Variants in PUM2 observed in about 807,000 individuals in gnomAD.
PUM2 encodes the protein pumilio RNA binding family member 2.
A neutral mutation model predicts 124.5 loss-of-function variants in PUM2; 57 were observed. The ratio of observed to expected loss-of-function variants is 0.46; its 90% CI spans 0.37 to 0.57. The LOEUF (loss-of-function observed/expected upper bound fraction) is 0.57. PUM2 is among the 20% of genes least tolerant of loss of function. The pLI is 0.00. For synonymous variants in PUM2, 460 were observed against 446.1 expected (o/e 1.03, Z -0.39); for missense variants, 1,065 against 1,290.6 (o/e 0.83, Z 2.68).
chr2:20,303,435 GTTTTTTT>G (rs11444507), intron 7 of PUM2, among the ~76,000 whole-genome samples: 2 of 129,782 alleles, frequency 1.5e-5, no homozygotes, highest in Non-Finnish European at 3.2e-5. Context: ...AAGCTTTCAA[GTTTTTTT>G]TTTTTTTTTT....
chr2:20,341,475 A>G (rs1005819769), intron 1 of PUM2, among the ~76,000 whole-genome samples: 1 of 152,206 alleles, frequency 6.6e-6, no homozygotes, highest in Admixed American at 6.5e-5. Flanking sequence ...TTTTTGTTCA[A>G]AAAAGGAGGG....
At chr2:20,317,576 G>C (rs1572896740) in intron 3 of PUM2, among the ~76,000 whole-genome samples, 1 of 151,984 alleles carries the variant, frequency 6.6e-6, no homozygotes, top group African/African-American at 2.4e-5. Context: ...TTCTAGATTG[G>C]GGGGGTACAT....
At chr2:20,260,282 C>T in intron 15 of PUM2, 55 bp downstream of exon 15, 1 of 1,464,808 alleles carries the variant, frequency 6.8e-7, no homozygotes, top group Non-Finnish European at 9.2e-7. Flanking sequence ...CTTTTCTTAG[C>T]ATCAAGTATA....
In PUM2 at chr2:20,254,872, T is replaced by C; in HGVS notation, c.2861A>G (p.Lys954Arg). Residue 954 changes from lysine to arginine, a missense_variant, in exon 19 of 21, where the codon AAA becomes AGA. Coordinates refer to ENST00000361078, the MANE Select transcript of PUM2 (RefSeq NM_015317.5). ...RGKVLALSQH[K>R]FASNVVEKCV... ...CAAAGTATTACAATACCTGGCAAAT[T>C]TGTGTTGACTCAGGGCTAAAACCTT... 6.2e-7 allele frequency: 1 copy of C among 1,612,990 alleles called. No individual in the cohort carries two copies. Among genetic ancestry groups the C allele is most frequent in the East Asian group, 2.2e-5 (1 of 44,854 alleles).
At chr2:20,322,036 T>C (rs1210897504) in intron 2 of PUM2, among the ~76,000 whole-genome samples, 1 of 152,076 alleles carries the variant, frequency 6.6e-6, no homozygotes, top group Non-Finnish European at 1.5e-5. Context: ...ATACCTATAC[T>C]TCAGACTTTT....
intron 7 of PUM2, among the ~76,000 whole-genome samples, chr2:20,302,796 G>C (rs1420548964): frequency 6.6e-6 from 1 of 152,170 alleles, no homozygotes; most frequent in Non-Finnish European, 1.5e-5. Flanking sequence ...AAGAAATGCA[G>C]AAACTCTGTT....
chr2:20,266,966 T>C (rs1308306161), intron 13 of PUM2, among the ~76,000 whole-genome samples: 2 of 152,124 alleles, frequency 1.3e-5, no homozygotes, highest in Non-Finnish European at 2.9e-5. Context: ...TGAAAACATA[T>C]ACTTACTGTC....
intron 1 of PUM2, among the ~76,000 whole-genome samples, chr2:20,333,927 G>GT (rs1685452095): frequency 6.6e-6 from 1 of 152,092 alleles, no homozygotes; most frequent in African/African-American, 2.4e-5. Flanking sequence ...TTAAAAGTAT[G>GT]TAACACCTTC....
intron 7 of PUM2, among the ~76,000 whole-genome samples, chr2:20,304,521 C>G (rs568969600): frequency 1.3e-5 from 2 of 152,326 alleles, no homozygotes; most frequent in South Asian, 4.1e-4. Flanking sequence ...TTTACTGGAA[C>G]ATAGCAATAT....
intron 13 of PUM2, among the ~76,000 whole-genome samples, chr2:20,264,205 C>G (rs183672480): frequency 0.014 from 2,132 of 149,228 alleles, 63 homozygotes; most frequent in African/African-American, 0.049. Context: ...GGCGTGGTGG[C>G]GGGCACCTGT....
chr2:20,294,502 T>A lies in PUM2; in HGVS notation c.1026A>T (p.Pro342=). ...CCCATGGAACGCCGTAATACTGAGG[T>A]GGAACCACTGCTGGACCTAAACCCC... The part of the protein sequence containing the change: ...AATLAGPAVV[P]PQYYGVPWGV... The change falls in exon 9 of 21, where the codon CCA becomes CCT. Residue 342 remains proline (P), a synonymous_variant. Coordinates refer to ENST00000361078, the MANE Select transcript of PUM2 (RefSeq NM_015317.5). 1 of 1,613,652 alleles carries A rather than the reference T, an allele frequency of 6.2e-7. No homozygotes were observed. Among genetic ancestry groups the A allele is most frequent in the Non-Finnish European group, 8.5e-7 (1 of 1,179,864 alleles).
At chr2:20,258,172 A>C in intron 16 of PUM2, 71 bp downstream of exon 16, 1 of 1,353,424 alleles carries the variant, frequency 7.4e-7, no homozygotes, top group Non-Finnish European at 1.0e-6. Context: ...GATTACTGTA[A>C]GATTAAAAAC....
intron 12 of PUM2, 129 bp downstream of exon 12, chr2:20,282,818 A>T: frequency 9.4e-7 from 1 of 1,068,498 alleles, no homozygotes; most frequent in Non-Finnish European, 1.3e-6. Context: ...CCTACAAATT[A>T]AACCAGTAGT....
At chr2:20,312,186 C>T (rs781235210) in intron 4 of PUM2, 50 bp downstream of exon 4, 4 of 1,461,992 alleles carry the variant, frequency 2.7e-6, no homozygotes, top group African/African-American at 1.4e-5. Context: ...GTAACGTAAC[C>T]AAATAACTCT....
Position 20,333,215 on chromosome 2 carries a change from T to C in PUM2, c.-18-5837A>G, listed in dbSNP as rs535992892. Among the ~76,000 whole-genome samples the C allele has an allele frequency of 1.1e-4, 16 of 152,130 alleles. 1 individual carries two copies. Among genetic ancestry groups the C allele is most frequent in the Non-Finnish European group, 1.6e-4 (11 of 68,020 alleles). On this transcript the variant is annotated intron_variant, in intron 1 of 20. Transcript: ENST00000361078. ...ACAACTTGATTTAGCTCAGTGATAG[T>C]TTTCCTATTTACTAGTGCATAATCC...
chr2:20,297,817 A>G (rs1431213635), intron 7 of PUM2, 139 bp from the exon 8 acceptor site: 1 of 810,932 alleles, frequency 1.2e-6, no homozygotes, highest in Non-Finnish European at 1.9e-6. Context: ...AATTTTTACT[A>G]AGTGACCTTG....
rs907055539 is a variant in PUM2 at position 20,250,489 on chromosome 2, A to T, written c.*1096T>A. On this transcript the variant is annotated 3_prime_UTR_variant, in exon 21 of 21. Transcript: ENST00000361078. ...ACAACCAAGGAAAGCATCACTACTA[A>T]ATTAGCAAGGCTTTTATAATAAACA... 6.6e-6 allele frequency: 1 copy of T among 152,506 alleles called. No homozygotes were observed. The highest frequency in any genetic ancestry group is 1.5e-5 in the Non-Finnish European group (1 of 67,998). 9.4% of individuals were successfully genotyped at this position (152,506 alleles called of 1,614,324 possible).
chr2:20,335,524 T>C (rs1174620146), intron 1 of PUM2, among the ~76,000 whole-genome samples: 1 of 152,210 alleles, frequency 6.6e-6, no homozygotes, highest in Admixed American at 6.5e-5. Flanking sequence ...AATTGAATCA[T>C]ACAGTTTTTC....
At chr2:20,301,093 T>C (rs578045648) in intron 7 of PUM2, among the ~76,000 whole-genome samples, 2 of 152,360 alleles carry the variant, frequency 1.3e-5, no homozygotes, top group East Asian at 1.9e-4. Context: ...GTACATCTTA[T>C]GCATATTGAC....
Sources: allele counts gnomAD v4.1 joint callset (sites outside exome capture counted in the v4.1 genomes callset), GRCh38; gene constraint gnomAD v4.1.1; transcripts MANE v1.5; gene names NCBI Gene and HGNC (gene_info 2026-07-23, HGNC 2026-07-21).